The following SHC3 variants were observed in gnomAD, a reference collection of about 807,000 sequenced individuals.
SHC3 encodes the protein SHC-transforming protein 3.
In SHC3, 15 loss-of-function variants were observed where a neutral mutation model predicts 60.4. The observed-to-expected ratio is 0.25, with a 90% CI of 0.17 to 0.38. SHC3 has a LOEUF of 0.38. Among genes scored for constraint, SHC3 ranks in the 10% least tolerant of loss-of-function variants. The pLI is 1.00. For missense variants in SHC3, 677 were observed against 786.1 expected, an observed-to-expected ratio of 0.86 and a Z score of 1.66; for synonymous variants, 294 against 325.9, an observed-to-expected ratio of 0.90 and a Z score of 1.05.
intron 1 of SHC3, among the ~76,000 whole-genome samples, chr9:89,174,193 A>G (rs1194655025): frequency 6.6e-6 from 1 of 152,220 alleles, no homozygotes; most frequent in African/African-American, 2.4e-5. Flanking sequence ...ATTTACGAAG[A>G]CCACCTATAA....
chr9:89,048,292 T>C (rs964291442), intron 7 of SHC3, among the ~76,000 whole-genome samples: 7 of 148,230 alleles, frequency 4.7e-5, no homozygotes, highest in South Asian at 2.1e-4. Context: ...AACTAATGAC[T>C]GGATGAACAA....
chr9:89,093,545 A>G (rs966789616), intron 2 of SHC3, among the ~76,000 whole-genome samples: 1 of 151,712 alleles, frequency 6.6e-6, no homozygotes, highest in Non-Finnish European at 1.5e-5. Context: ...ATAAGAAAGT[A>G]GAGTCTCCAA....
chr9:89,139,457 T>C (rs1233942518), intron 1 of SHC3, among the ~76,000 whole-genome samples: 2 of 152,228 alleles, frequency 1.3e-5, no homozygotes, highest in Non-Finnish European at 2.9e-5. Context: ...GTTTTTAAAT[T>C]GGCTTTTGTG....
intron 11 of SHC3, among the ~76,000 whole-genome samples, chr9:89,024,716 T>A (rs750834544): frequency 2.6e-5 from 4 of 152,254 alleles, no homozygotes; most frequent in Non-Finnish European, 5.9e-5. Flanking sequence ...TTACCCACAC[T>A]GCACAGTTTA....
At position 89,102,080 on chromosome 9, in the gene SHC3, C is replaced by T. The variant is rs1328554618; in HGVS notation, c.545+10476G>A. On this transcript the variant is annotated intron_variant, in intron 2 of 11. Coordinates refer to ENST00000375835, the MANE Select transcript of SHC3 (RefSeq NM_016848.6). ...TATCTTTCAAAGAATTTGTTCATTTCATCTAAGTTGTTAAATTCATTAGCA... is the reference window on the plus strand; with the variant it reads ...TATCTTTCAAAGAATTTGTTCATTTTATCTAAGTTGTTAAATTCATTAGCA... Among the ~76,000 whole-genome samples, 10 of 152,130 alleles carry T rather than the reference C, an allele frequency of 6.6e-5. No homozygotes were observed. In the East Asian group the frequency reaches 7.7e-4, roughly 12 times the overall value.
intron 11 of SHC3, among the ~76,000 whole-genome samples, chr9:89,030,829 T>C (rs192237841): frequency 1.4e-3 from 217 of 152,354 alleles, no homozygotes; most frequent in African/African-American, 4.8e-3. Flanking sequence ...AAAAACAAGA[T>C]ATTTGTCTGT....
intron 1 of SHC3, among the ~76,000 whole-genome samples, chr9:89,119,221 G>A (rs1826057998): frequency 6.6e-6 from 1 of 151,762 alleles, no homozygotes; most frequent in African/African-American, 2.4e-5. Context: ...AACTACTATA[G>A]AACAAAAGAA....
chr9:89,106,694 C>T (rs1228342387), intron 2 of SHC3, among the ~76,000 whole-genome samples: 1 of 152,142 alleles, frequency 6.6e-6, no homozygotes, highest in East Asian at 1.9e-4. Flanking sequence ...CCACTGCTCC[C>T]TAGGTATCCT....
At chr9:89,176,523 AT>A (rs1298426957) in intron 1 of SHC3, among the ~76,000 whole-genome samples, 2 of 152,230 alleles carry the variant, frequency 1.3e-5, no homozygotes, top group African/African-American at 4.8e-5. Context: ...TAAAACAGCA[AT>A]TATGCTAACA....
At chr9:89,077,725 A>G (rs1438812664) in intron 3 of SHC3, 115 bp downstream of exon 3, 3 of 1,276,414 alleles carry the variant, frequency 2.4e-6, no homozygotes, top group Non-Finnish European at 2.3e-6. Context: ...AGAAGTAGCA[A>G]GCGCCGGGCC....
intron 1 of SHC3, among the ~76,000 whole-genome samples, chr9:89,138,290 C>T (rs1826346770): frequency 6.6e-6 from 1 of 152,238 alleles, no homozygotes; most frequent in Admixed American, 6.5e-5. Context: ...AAGAGAATGG[C>T]TACTCCATAG....
At chr9:89,069,301 C>T (rs1825232802) in intron 5 of SHC3, among the ~76,000 whole-genome samples, 3 of 151,964 alleles carry the variant, frequency 2.0e-5, no homozygotes, top group African/African-American at 7.3e-5. Flanking sequence ...AGAATGAGAC[C>T]CTGTTGGATG....
chr9:89,057,099 C>G (rs973232988), intron 6 of SHC3, among the ~76,000 whole-genome samples: 1 of 152,172 alleles, frequency 6.6e-6, no homozygotes, highest in Non-Finnish European at 1.5e-5. Context: ...TGGAGATATT[C>G]GAAGTCATTA....
chr9:89,027,813 A>G (rs1271192367), intron 11 of SHC3, among the ~76,000 whole-genome samples: 1 of 152,180 alleles, frequency 6.6e-6, no homozygotes, highest in Non-Finnish European at 1.5e-5. Flanking sequence ...GAGAGTGAGG[A>G]GGAGGGCAGC....
intron 1 of SHC3, among the ~76,000 whole-genome samples, chr9:89,124,108 A>G (rs1161593045): frequency 1.3e-5 from 2 of 152,176 alleles, no homozygotes; most frequent in African/African-American, 4.8e-5. Flanking sequence ...ATCACTGGTC[A>G]TCAGGGAAAT....
chr9:89,013,174 C>A lies in SHC3; in HGVS notation c.*273G>T. Reference sequence around the variant, plus strand: ...TTTTTTTCATTAAAAACATACAGCACAGAACATTAGTCTTACATCTTTCTT... The same window carrying A: ...TTTTTTTCATTAAAAACATACAGCAAAGAACATTAGTCTTACATCTTTCTT... On this transcript the variant is annotated 3_prime_UTR_variant, in exon 12 of 12. Coordinates refer to ENST00000375835, the MANE Select transcript of SHC3 (RefSeq NM_016848.6). The A allele has an allele frequency of 3.9e-6, 1 of 257,480 alleles. No homozygotes were observed. The allele number at this position is 257,480 out of a possible 1,614,324, so 15.9% of individuals were successfully genotyped here.
rs369413725 is a variant in SHC3, at chr9:89,042,162, C to A, written c.1224G>T (p.Thr408=). 3 of 1,539,404 alleles carry A rather than the reference C, an allele frequency of 1.9e-6. No individual in the cohort carries two copies. The highest frequency in any genetic ancestry group is 4.6e-5 in the Admixed American group (2 of 43,656). The part of the protein sequence containing the change: ...LRQGSSDIYS[T]PEGKLHVAPT... ...GGGCCACGTGCAGTTTCCCTTCTGG[C>A]GTGCTGTAGATGTCCGAGGACCCTG... Residue 408 remains threonine (T), a synonymous_variant, in exon 10 of 12, where the codon ACG becomes ACT. Transcript: ENST00000375835.
chr9:89,105,168 A>G (rs775256071), intron 2 of SHC3, among the ~76,000 whole-genome samples: 5 of 152,152 alleles, frequency 3.3e-5, no homozygotes, highest in Non-Finnish European at 5.9e-5. Context: ...TGGTCTTGTA[A>G]TGATGCCCCT....
At chr9:89,046,124 T>C (rs1341529525) in intron 8 of SHC3, among the ~76,000 whole-genome samples, 1 of 136,368 alleles carries the variant, frequency 7.3e-6, no homozygotes, top group Non-Finnish European at 1.5e-5. Context: ...CTTCCATATG[T>C]ATGTCCTAAA....
Sources: gnomAD v4.1 joint callset for allele counts (sites outside exome capture counted in the v4.1 genomes callset) on GRCh38, gnomAD v4.1.1 for gene constraint, MANE v1.5 for transcripts, NCBI Gene and HGNC (gene_info 2026-07-23, HGNC 2026-07-21) for gene names.